UBAP1L: variants seen among roughly 807,000 people sequenced by gnomAD.
UBAP1L encodes the protein ubiquitin-associated protein 1-like.
Under a neutral mutation model 32.1 loss-of-function variants are expected in UBAP1L, and 32 were observed. The ratio of observed to expected loss-of-function variants is 1.00; its 90% confidence interval spans 0.75 to 1.34. The LOEUF (loss-of-function observed/expected upper bound fraction) is 1.34. UBAP1L is among the 40% of genes most tolerant of loss of function. The probability of loss-of-function intolerance (pLI) is 0.00; values close to 1 mark genes in which losing one functional copy is unlikely to be tolerated. For synonymous variants in UBAP1L, 243 were observed against 250.2 expected (o/e 0.97, Z 0.27); for missense variants, 516 against 540.5 (o/e 0.95, Z 0.45).
In UBAP1L at chr15:65,114,183, C is replaced by CT. The variant is rs75250904; in HGVS notation, c.-174+966dup. 7.6e-3 allele frequency among the ~76,000 whole-genome samples: 1,052 copies of CT among 137,992 alleles called. 5 individuals carry two copies. The highest frequency in any genetic ancestry group is 0.021 in the East Asian group (101 of 4,794). The allele number at this position is 137,992 out of a possible 152,430, so 90.5% of individuals were successfully genotyped here. On this transcript the variant is annotated intron_variant, in intron 1 of 5. Coordinates refer to ENST00000559089, the MANE Select transcript of UBAP1L (RefSeq NM_001163692.2). ...ACAGGCATGAGCCACCGCGCCCAGC[C>CT]TTTTTTTTTTTTTTTTAACTATGAC...
chr15:65,109,266 A>T (rs569651984), intron 1 of UBAP1L, among the ~76,000 whole-genome samples: 1 of 151,302 alleles, frequency 6.6e-6, no homozygotes, highest in Non-Finnish European at 1.5e-5. Flanking sequence ...GGCGGATCAC[A>T]AGGTCAGGAG....
chr15:65,113,441 C>T (rs1253878927), intron 1 of UBAP1L, among the ~76,000 whole-genome samples: 1 of 152,044 alleles, frequency 6.6e-6, no homozygotes, highest in Non-Finnish European at 1.5e-5. Flanking sequence ...GTTGCTTCCC[C>T]ACAATTAATT....
chr15:65,102,419 T>A lies in UBAP1L; in HGVS notation c.386A>T (p.Gln129Leu). 1.6e-5 allele frequency: 23 copies of A among 1,426,914 alleles called. No homozygotes were observed. Among genetic ancestry groups the A allele is most frequent in the Non-Finnish European group, 2.1e-5 (23 of 1,094,640 alleles). 88.4% of individuals were successfully genotyped at this position (1,426,914 alleles called of 1,614,324 possible). ...GCCGGGGCTCGCCGGGGAGCCCGGT[T>A]GGAGGCTGCTGGGGGCCGGCTCTTC... Reference protein sequence around the residue: ...SEEEPAPSSLQPGSPASPGPG... With the variant: ...SEEEPAPSSLLPGSPASPGPG... Residue 129 changes from glutamine to leucine, a missense_variant, in exon 3 of 6, where the codon CAA becomes CTA. Transcript: ENST00000559089. The surrounding 1 kb of genome is among the most constrained non-coding windows in gnomAD (Gnocchi z 5.0).
At chr15:65,093,569 G>C (rs1356618394) in intron 5 of UBAP1L, among the ~76,000 whole-genome samples, 1 of 152,198 alleles carries the variant, frequency 6.6e-6, no homozygotes, top group African/African-American at 2.4e-5. Context: ...ACAGCCCAAG[G>C]TCCCTGCCCG....
intron 2 of UBAP1L, chr15:65,105,778 G>A (rs1019777096): frequency 2.1e-5 from 15 of 697,740 alleles, no homozygotes; most frequent in South Asian, 6.8e-5. Flanking sequence ...ATAGAAGGTC[G>A]GTGGCCCAAA....
At chr15:65,108,964 C>G (rs1219094607) in intron 1 of UBAP1L, among the ~76,000 whole-genome samples, 1 of 150,856 alleles carries the variant, frequency 6.6e-6, no homozygotes. Context: ...CGAGACCATC[C>G]TGGCCAACAT....
intron 1 of UBAP1L, among the ~76,000 whole-genome samples, chr15:65,109,316 T>C (rs2087351889): frequency 2.0e-5 from 3 of 151,254 alleles, no homozygotes; most frequent in South Asian, 4.2e-4. Context: ...ACCCCGTCTC[T>C]ACTAAAAATA....
intron 1 of UBAP1L, among the ~76,000 whole-genome samples, chr15:65,110,400 G>A (rs565249183): frequency 2.0e-5 from 3 of 151,310 alleles, no homozygotes; most frequent in Admixed American, 6.6e-5. Context: ...AAACTTGGCC[G>A]GGCGTGGTGG....
intron 1 of UBAP1L, among the ~76,000 whole-genome samples, chr15:65,111,883 C>CG: frequency 6.6e-6 from 1 of 151,970 alleles, no homozygotes; most frequent in Non-Finnish European, 1.5e-5. Flanking sequence ...CTCCGTCCCC[C>CG]GGGTTCAAGC....
At position 65,102,703 on chromosome 15, in the gene UBAP1L, G is replaced by T; in HGVS notation, c.121-19C>A. On this transcript the variant is annotated intron_variant, in intron 2 of 5. Coordinates refer to ENST00000559089, the MANE Select transcript of UBAP1L (RefSeq NM_001163692.2). The surrounding 1 kb of genome is among the most constrained non-coding windows in gnomAD (Gnocchi z 5.0). The stretch of plus-strand genomic sequence containing the variant: ...AGTCGTGCTGCGGAAAGAAGGCGAC[G>T]TAAAGCCCAGGGCAAACCAGGACCC... The T allele has an allele frequency of 6.5e-7, 1 of 1,541,908 alleles. No individual in the cohort carries two copies.
chr15:65,108,481 A>C (rs889875541), intron 1 of UBAP1L, among the ~76,000 whole-genome samples: 2 of 152,204 alleles, frequency 1.3e-5, no homozygotes, highest in Non-Finnish European at 2.9e-5. Context: ...ACGTTGGCTC[A>C]TGCCTATAAT....
Position 65,099,511 on chromosome 15 carries a change from C to G in UBAP1L, c.903G>C (p.Leu301=). The G allele has an allele frequency of 3.2e-6, 5 of 1,550,122 alleles. No individual in the cohort carries two copies. The highest frequency in any genetic ancestry group is 4.4e-6 in the Non-Finnish European group (5 of 1,146,768). ...TCTGGGTCCCCCAACTCACCTGGCT[C>G]AGGCTCTGCCTCCCTGTCTTCTGCA... ...IALQKTGRQS[L]SQFLSYLSAC... The change falls in exon 4 of 6, where the codon CTG becomes CTC. Residue 301 remains leucine (L), a synonymous_variant. Coordinates refer to ENST00000559089, the MANE Select transcript of UBAP1L (RefSeq NM_001163692.2).
intron 1 of UBAP1L, among the ~76,000 whole-genome samples, chr15:65,109,966 C>T (rs2087357098): frequency 6.6e-6 from 1 of 152,188 alleles, no homozygotes; most frequent in Non-Finnish European, 1.5e-5. Flanking sequence ...TGGGTTAGAT[C>T]AAGACTAGTA....
At chr15:65,106,025 A>AG in intron 2 of UBAP1L, 71 bp downstream of exon 2, 8 of 1,527,106 alleles carry the variant, frequency 5.2e-6, no homozygotes, top group Non-Finnish European at 6.1e-6. Flanking sequence ...TTTAAATTCA[A>AG]GGAACAAGGC....
rs113529880 is a variant in UBAP1L, at chr15:65,105,760, G to A, written c.120+336C>T. The A allele has an allele frequency of 1.3e-3, 896 of 698,184 alleles. 2 individuals are homozygous for A. Among genetic ancestry groups the A allele is most frequent in the Non-Finnish European group, 2.0e-3 (738 of 374,654 alleles). 43.2% of individuals were successfully genotyped at this position (698,184 alleles called of 1,614,324 possible). On this transcript the variant is annotated intron_variant, in intron 2 of 5. Coordinates refer to ENST00000559089, the MANE Select transcript of UBAP1L (RefSeq NM_001163692.2). ...GGTAGGTGTGCCCAGGTCAAGTAGT[G>A]GGGCTGGATAGAAGGTCGGTGGCCC...
At chr15:65,105,756 T>C (rs1566968096) in intron 2 of UBAP1L, 2 of 698,116 alleles carry the variant, frequency 2.9e-6, no homozygotes, top group Non-Finnish European at 5.3e-6. Context: ...CCAGGTCAAG[T>C]AGTGGGGCTG....
chr15:65,101,781 TC>T (rs2087241828), intron 3 of UBAP1L, among the ~76,000 whole-genome samples: 1 of 152,062 alleles, frequency 6.6e-6, no homozygotes, highest in Admixed American at 6.6e-5. Flanking sequence ...ATCAGTGCGA[TC>T]CAGTCCCTGC....
At chr15:65,111,993 T>C (rs995243318) in intron 1 of UBAP1L, among the ~76,000 whole-genome samples, 12 of 152,172 alleles carry the variant, frequency 7.9e-5, no homozygotes, top group Non-Finnish European at 1.5e-4. Context: ...ACAGTAAAGA[T>C]ATCGATATTG....
Position 65,102,910 on chromosome 15 carries a change from A to G in UBAP1L, c.121-226T>C, listed in dbSNP as rs1224508261. ...TTAATGGCAAACTGGCATAAATGACAAAGTGATGAATTCGTCAGTCGAATG... is the reference window on the plus strand; with the variant it reads ...TTAATGGCAAACTGGCATAAATGACGAAGTGATGAATTCGTCAGTCGAATG... On this transcript the variant is annotated intron_variant, in intron 2 of 5. Coordinates refer to ENST00000559089, the MANE Select transcript of UBAP1L (RefSeq NM_001163692.2). The surrounding 1 kb of genome is among the most constrained non-coding windows in gnomAD (Gnocchi z 5.0). Among the ~76,000 whole-genome samples, 2 of 152,228 alleles carry G rather than the reference A, an allele frequency of 1.3e-5. No homozygotes were observed. The highest frequency in any genetic ancestry group is 2.9e-5 in the Non-Finnish European group (2 of 68,026).
Sources: gnomAD v4.1 joint callset for allele counts (sites outside exome capture counted in the v4.1 genomes callset) on GRCh38, gnomAD v4.1.1 for gene constraint, Gnocchi (gnomAD v3.1) non-coding constraint, MANE v1.5 for transcripts, NCBI Gene and HGNC (gene_info 2026-07-23, HGNC 2026-07-21) for gene names.